The following HAP1 variants were observed in gnomAD, a reference collection of about 807,000 sequenced individuals.
The protein encoded by HAP1 is huntingtin-associated protein 1.
HAP1 carries 59 observed loss-of-function variants against 60.3 expected under a neutral mutation model. The observed-to-expected ratio is 0.98, with a 90% confidence interval of 0.79 to 1.22. The LOEUF (loss-of-function observed/expected upper bound fraction) is 1.22, where lower values mean the gene tolerates loss of function less well. Ranked by LOEUF, HAP1 falls within the 50% of genes most tolerant of loss-of-function variation. HAP1 has a pLI of 0.00. For missense variants in HAP1, 825 were observed against 785.3 expected, an observed-to-expected ratio of 1.05 and a Z score of -0.60; for synonymous variants, 346 against 330.6, an observed-to-expected ratio of 1.05 and a Z score of -0.50.
intron 10 of HAP1, 124 bp downstream of exon 10, chr17:41,725,735 A>C: frequency 1.3e-6 from 1 of 779,974 alleles, no homozygotes; most frequent in Non-Finnish European, 2.3e-6. Flanking sequence ...AACAGTTCTC[A>C]GTTCAGCCAG....
Position 41,732,724 on chromosome 17 carries a change from C to T in HAP1, c.544G>A (p.Glu182Lys). 1 of 1,610,746 alleles carries T rather than the reference C, an allele frequency of 6.2e-7. No homozygotes were observed. Among genetic ancestry groups the T allele is most frequent in the Non-Finnish European group, 8.5e-7 (1 of 1,176,896 alleles). ...EDVKVMLYLL[E>K]ELLPPVWESV... Reference sequence around the variant, plus strand: ...ATCAGGAAGGCAGTACACACCTCCTCCAGCAAATATAACATCACTTTGACG... The same window carrying T: ...ATCAGGAAGGCAGTACACACCTCCTTCAGCAAATATAACATCACTTTGACG... The change falls in exon 2 of 11, where the codon GAG (glutamate) becomes AAG (lysine). Residue 182 changes from glutamate (E) to lysine (K), a missense_variant. Glu to Lys is a moderately conservative substitution (Grantham distance 56). Coordinates refer to ENST00000347901, the MANE Select transcript of HAP1 (RefSeq NM_177977.3).
chr17:41,728,245 G>A lies in HAP1; in HGVS notation c.1156C>T (p.Arg386Trp), dbSNP rs200504127. ...AGCTTCAGCACCTGGGCCTGCAGCC[G>A]AGCGACCTCCTGCTGCTGCCGTTCA... ...NYERQQQEVA[R>W]LQAQVLKLQQ... The change falls in exon 7 of 11, where the codon CGG becomes TGG. Residue 386 changes from arginine (R) to tryptophan (W), a missense_variant. By Grantham distance (101) the Arg-to-Trp change is moderately radical (BLOSUM62 -3). Coordinates refer to ENST00000347901, the MANE Select transcript of HAP1 (RefSeq NM_177977.3). 33 of 1,613,186 alleles carry A rather than the reference G, an allele frequency of 2.0e-5. No homozygotes were observed. Among genetic ancestry groups the A allele is most frequent in the South Asian group, 6.6e-5 (6 of 91,078 alleles).
At chr17:41,718,929 C>T (rs782517354), downstream of HAP1, among the ~76,000 whole-genome samples, 1 of 152,160 alleles carries the variant, frequency 6.6e-6, no homozygotes, top group African/African-American at 2.4e-5. Flanking sequence ...CAGCTCTCCT[C>T]GCTGTTCTAA....
chr17:41,732,558 A>T, intron 2 of HAP1, 161 bp downstream of exon 2: 1 of 973,246 alleles, frequency 1.0e-6, no homozygotes, highest in Admixed American at 2.0e-5. Flanking sequence ...TGGCTCTGAG[A>T]GCTCTTCCAG....
intron 6 of HAP1, among the ~76,000 whole-genome samples, chr17:41,729,889 A>T (rs1364260323): frequency 8.9e-6 from 1 of 112,578 alleles, no homozygotes; most frequent in Non-Finnish European, 1.8e-5. Context: ...AAAAAAAAAA[A>T]TTTGCCAGGC....
At position 41,734,053 on chromosome 17, in the gene HAP1, A is replaced by G. The variant is rs797023298; in HGVS notation, c.469+113T>C. The G allele has an allele frequency of 7.8e-5, 60 of 772,400 alleles. No homozygotes were observed. The African/African-American group carries it at 9.9e-4, about 13-fold the overall frequency. 47.8% of individuals were successfully genotyped at this position (772,400 alleles called of 1,614,324 possible). A position where few individuals can be genotyped will look rare whatever the true frequency, so the allele number is the denominator to read the frequency against. ...CGCAGTGACATCGCGGGGGTGGTGG[A>G]CGGGTGACACTGAGTGCTAGAGGGG... is the stretch of plus-strand genomic sequence containing the variant. On this transcript the variant is annotated intron_variant, in intron 1 of 10. Coordinates refer to ENST00000347901, the MANE Select transcript of HAP1 (RefSeq NM_177977.3).
intron 6 of HAP1, 147 bp from the exon 7 acceptor site, chr17:41,728,478 C>A (rs1911867832): frequency 1.5e-6 from 1 of 683,146 alleles, no homozygotes; most frequent in Non-Finnish European, 2.4e-6. Context: ...TCACTCAGGT[C>A]TTCCATTCAA....
chr17:41,727,516 G>A (rs1397168983), intron 8 of HAP1: 2 of 751,772 alleles, frequency 2.7e-6, no homozygotes, highest in Non-Finnish European at 5.0e-6. Context: ...GCTGAGGCCA[G>A]AGGCCCAGGT....
At chr17:41,726,756 G>A (rs1555588909) in intron 9 of HAP1, among the ~76,000 whole-genome samples, 5 of 152,082 alleles carry the variant, frequency 3.3e-5, no homozygotes, top group Middle Eastern at 3.4e-3. Context: ...CCAGCTACTC[G>A]GAAGGCTGAA....
chr17:41,731,770 G>T (rs1912222795), intron 4 of HAP1, 27 bp from the exon 5 acceptor site: 2 of 1,544,346 alleles, frequency 1.3e-6, no homozygotes, highest in African/African-American at 1.4e-5. Context: ...TGGGAGTCAG[G>T]GTGCAGGGAG....
intron 8 of HAP1, 28 bp downstream of exon 8, chr17:41,727,734 G>A (rs369511839): frequency 9.8e-6 from 15 of 1,527,616 alleles, no homozygotes; most frequent in Middle Eastern, 1.7e-4. Flanking sequence ...TCTCCAGGGT[G>A]GGGGCAGAAG....
chr17:41,722,454 G>A (rs962514999), downstream of HAP1: 2 of 152,276 alleles, frequency 1.3e-5, no homozygotes, highest in East Asian at 3.9e-4. Flanking sequence ...TCTGGCCTGA[G>A]TTTCTCCATC....
intron 10 of HAP1, 148 bp from the exon 11 acceptor site, chr17:41,725,302 T>C (rs1189267542): frequency 3.1e-6 from 2 of 645,288 alleles, no homozygotes; most frequent in Non-Finnish European, 5.2e-6. Context: ...CTCCAAGGCT[T>C]CAAATACCCA....
chr17:41,724,025 C>T lies in HAP1; in HGVS notation c.*676G>A, dbSNP rs1251355966. On this transcript the variant is annotated 3_prime_UTR_variant, in exon 11 of 11. Coordinates refer to ENST00000347901, the MANE Select transcript of HAP1 (RefSeq NM_177977.3). ...CAATGGCTGCTGTGCATGAGTGTCA[C>T]AAGGTCATCTTTCATGTCCTGCGGC... 1 of 152,498 alleles carries T rather than the reference C, an allele frequency of 6.6e-6. No homozygotes were observed. Among genetic ancestry groups the T allele is most frequent in the Non-Finnish European group, 1.5e-5 (1 of 68,182 alleles). The allele number at this position is 152,498 out of a possible 1,614,324, so 9.4% of individuals were successfully genotyped here.
chr17:41,727,358 G>A lies in HAP1; in HGVS notation c.1276-214C>T, dbSNP rs138877072. The A allele has an allele frequency of 3.5e-5, 27 of 780,788 alleles. No homozygotes were observed. In the East Asian group the frequency reaches 6.3e-4, roughly 18 times the overall value. The allele number at this position is 780,788 out of a possible 1,614,324, so 48.4% of individuals were successfully genotyped here. A position where few individuals can be genotyped will look rare whatever the true frequency, so the allele number is the denominator to read the frequency against. ...CAGTGGACACTGGGGGTTGCTGGCG[G>A]AGGGTCTTCACCTCCTCCTGCATCT... is the stretch of plus-strand genomic sequence containing the variant. On this transcript the variant is annotated intron_variant, in intron 8 of 10. Coordinates refer to ENST00000347901, the MANE Select transcript of HAP1 (RefSeq NM_177977.3).
At chr17:41,719,716 G>A (rs947349648), downstream of HAP1, among the ~76,000 whole-genome samples, 2 of 151,214 alleles carry the variant, frequency 1.3e-5, no homozygotes, top group African/African-American at 4.9e-5. Flanking sequence ...GCAATTTGGA[G>A]ATTGCAGTAT....
chr17:41,732,184 G>A, intron 3 of HAP1, 46 bp downstream of exon 3: 2 of 1,610,712 alleles, frequency 1.2e-6, no homozygotes, highest in East Asian at 2.2e-5. Flanking sequence ...CCTGGCATGA[G>A]GCAGGTGTAG....
chr17:41,733,370 T>TTTTTA (rs1178626489), intron 1 of HAP1, among the ~76,000 whole-genome samples: 2 of 144,052 alleles, frequency 1.4e-5, no homozygotes, highest in Non-Finnish European at 3.0e-5. Context: ...TTTTTTTTTT[T>TTTTTA]TTTTTTACCC....
Position 41,732,407 on chromosome 17 carries a change from CAG to C in HAP1, c.550-15_550-14del. On this transcript the variant is annotated splice_polypyrimidine_tract_variant and intron_variant, in intron 2 of 10. Transcript: ENST00000347901. ...CAGGTGGGAGAAGCTGGGGGGGACA[CAG>C]GGGTCAGAGAGAGGCTAGGCCCCTA... The C allele has an allele frequency of 1.9e-6, 3 of 1,613,386 alleles. No homozygotes were observed. Among genetic ancestry groups the C allele is most frequent in the Non-Finnish European group, 2.5e-6 (3 of 1,179,724 alleles).
Sources: gnomAD v4.1 joint callset for allele counts (sites outside exome capture counted in the v4.1 genomes callset) on GRCh38, gnomAD v4.1.1 for gene constraint, MANE v1.5 for transcripts, NCBI Gene and HGNC (gene_info 2026-07-23, HGNC 2026-07-21) for gene names.